ARMH3: variants seen among roughly 807,000 people sequenced by gnomAD.
ARMH3 encodes armadillo-like helical domain-containing protein 3.
A neutral mutation model predicts 99.1 loss-of-function variants in ARMH3; 60 were observed. The observed-to-expected ratio is 0.61, with a 90% CI of 0.49 to 0.75. The LOEUF (loss-of-function observed/expected upper bound fraction) is 0.75, where lower values mean the gene tolerates loss of function less well. ARMH3 is among the 30% of genes least tolerant of loss of function. ARMH3 has a pLI of 0.00. For missense variants in ARMH3, 679 were observed against 843.1 expected, an observed-to-expected ratio of 0.81 and a Z score of 2.41; for synonymous variants, 285 against 292.8, an observed-to-expected ratio of 0.97 and a Z score of 0.27.
At chr10:102,014,293 T>C (rs546349390) in intron 8 of ARMH3, among the ~76,000 whole-genome samples, 1 of 152,328 alleles carries the variant, frequency 6.6e-6, no homozygotes, top group South Asian at 2.1e-4. Flanking sequence ...GCAGGCCTTA[T>C]GTCCATCACT....
intron 23 of ARMH3, among the ~76,000 whole-genome samples, chr10:101,931,401 G>C (rs1478852917): frequency 6.6e-6 from 1 of 151,996 alleles, no homozygotes; most frequent in Non-Finnish European, 1.5e-5. Context: ...GGTGGGCACC[G>C]ATAATCCTGG....
At chr10:101,866,078 G>A (rs1417808130) in intron 24 of ARMH3, among the ~76,000 whole-genome samples, 5 of 151,910 alleles carry the variant, frequency 3.3e-5, no homozygotes, top group East Asian at 2.0e-4. Context: ...AAAATTAGCC[G>A]GGTGTGGTGG....
At chr10:102,025,555 C>T (rs966963937) in intron 5 of ARMH3, among the ~76,000 whole-genome samples, 1 of 152,190 alleles carries the variant, frequency 6.6e-6, no homozygotes, top group Non-Finnish European at 1.5e-5. Context: ...TGCAGTCTGT[C>T]ATCCCCATAT....
At chr10:101,869,184 T>C (rs1200178044) in intron 24 of ARMH3, among the ~76,000 whole-genome samples, 1 of 152,130 alleles carries the variant, frequency 6.6e-6, no homozygotes, top group Non-Finnish European at 1.5e-5. Context: ...CCAGTGCCTC[T>C]AACTTGGGTG....
At chr10:101,903,769 C>T (rs945909229) in intron 23 of ARMH3, among the ~76,000 whole-genome samples, 2 of 152,168 alleles carry the variant, frequency 1.3e-5, no homozygotes, top group Admixed American at 1.3e-4. Flanking sequence ...TTCCCAGTGT[C>T]TCATTTTAAA....
intron 15 of ARMH3, among the ~76,000 whole-genome samples, chr10:101,998,992 C>T (rs1251593707): frequency 6.6e-6 from 1 of 152,082 alleles, no homozygotes; most frequent in Non-Finnish European, 1.5e-5. Flanking sequence ...ATATAAACTA[C>T]TGGACAGTTA....
At chr10:101,875,668 T>C (rs1284610149) in intron 24 of ARMH3, among the ~76,000 whole-genome samples, 1 of 152,186 alleles carries the variant, frequency 6.6e-6, no homozygotes, top group Non-Finnish European at 1.5e-5. Flanking sequence ...TCTGATAGGC[T>C]GACTCTGCCC....
Position 102,030,705 on chromosome 10 carries a change from G to A in ARMH3, c.307-960C>T, listed in dbSNP as rs575435687. Among the ~76,000 whole-genome samples, 15 of 151,230 alleles carry A rather than the reference G, an allele frequency of 9.9e-5. No homozygotes were observed. In the East Asian group the frequency reaches 1.2e-3, roughly 12 times the overall value. Reference sequence around the variant, plus strand: ...GCCTGGGCAACAAGAGTGAAACTCCGTCTCAAAAATAATAATAATAATAAT... The same window carrying A: ...GCCTGGGCAACAAGAGTGAAACTCCATCTCAAAAATAATAATAATAATAAT... On this transcript the variant is annotated intron_variant, in intron 4 of 25. Coordinates refer to ENST00000370033, the MANE Select transcript of ARMH3 (RefSeq NM_024541.3).
At chr10:101,941,508 A>C (rs957038549) in intron 22 of ARMH3, among the ~76,000 whole-genome samples, 1 of 152,196 alleles carries the variant, frequency 6.6e-6, no homozygotes, top group African/African-American at 2.4e-5. Context: ...GCTGCAGCAG[A>C]AGCTCTATCA....
At chr10:101,983,547 T>C (rs1275713881) in intron 19 of ARMH3, among the ~76,000 whole-genome samples, 2 of 152,178 alleles carry the variant, frequency 1.3e-5, no homozygotes, top group African/African-American at 4.8e-5. Context: ...GCATGAACCA[T>C]GGCCAGCCAA....
At chr10:101,909,816 C>T (rs372066594) in intron 23 of ARMH3, among the ~76,000 whole-genome samples, 2 of 151,832 alleles carry the variant, frequency 1.3e-5, no homozygotes, top group African/African-American at 4.8e-5. Flanking sequence ...AAGCATCTCA[C>T]GTATCTCATA....
intron 1 of ARMH3, among the ~76,000 whole-genome samples, chr10:102,047,023 A>G (rs988269439): frequency 6.6e-6 from 1 of 152,238 alleles, no homozygotes; most frequent in Non-Finnish European, 1.5e-5. Flanking sequence ...AGGTAATAGT[A>G]AAGTGAAACA....
chr10:102,049,416 C>T (rs967494017), intron 1 of ARMH3, among the ~76,000 whole-genome samples: 2 of 151,960 alleles, frequency 1.3e-5, no homozygotes, highest in Admixed American at 6.6e-5. Flanking sequence ...GTGGCAAGTG[C>T]CTGTAATCCC....
At chr10:101,849,697 A>T (rs2135252681) in intron 25 of ARMH3, 79 bp downstream of exon 25, 1 of 1,204,136 alleles carries the variant, frequency 8.3e-7, no homozygotes, top group Non-Finnish European at 1.2e-6. Context: ...TTATCTGCAG[A>T]TAAACTGCAG....
chr10:101,874,598 T>G (rs1480063140), intron 24 of ARMH3, among the ~76,000 whole-genome samples: 1 of 152,170 alleles, frequency 6.6e-6, no homozygotes, highest in East Asian at 1.9e-4. Context: ...TGGGTGTAAT[T>G]ACCTGGGCTT....
chr10:101,908,273 C>T (rs1180163397), intron 23 of ARMH3, among the ~76,000 whole-genome samples: 1 of 152,156 alleles, frequency 6.6e-6, no homozygotes, highest in African/African-American at 2.4e-5. Flanking sequence ...CATGTAAATA[C>T]ATCATCAATC....
At chr10:102,022,408 C>T (rs974029441) in intron 8 of ARMH3, among the ~76,000 whole-genome samples, 3 of 143,838 alleles carry the variant, frequency 2.1e-5, no homozygotes, top group Admixed American at 7.2e-5. Flanking sequence ...AAAAGAATGG[C>T]GTGAACCCAG....
chr10:101,888,560 GCTGGCTCTGCCAGCAAGAAGCT>G (rs751962041), intron 24 of ARMH3, among the ~76,000 whole-genome samples: 6 of 152,206 alleles, frequency 3.9e-5, no homozygotes, highest in Non-Finnish European at 8.8e-5. Flanking sequence ...TAGCTGGCTG[GCTGGCTCTGCCAGCAAGAAGCT>G]CAAACAAGGG....
chr10:102,045,087 C>T (rs1231289493), intron 1 of ARMH3, among the ~76,000 whole-genome samples: 2 of 130,624 alleles, frequency 1.5e-5, no homozygotes, highest in Non-Finnish European at 3.1e-5. Context: ...AGTGAGCTAA[C>T]ATCACTGCAT....
Sources: gnomAD v4.1 joint callset for allele counts (sites outside exome capture counted in the v4.1 genomes callset) on GRCh38, gnomAD v4.1.1 for gene constraint, MANE v1.5 for transcripts, NCBI Gene and HGNC (gene_info 2026-07-23, HGNC 2026-07-21) for gene names.